ZFAND4: variants seen among roughly 807,000 people sequenced by gnomAD.
ZFAND4 encodes the protein AN1-type zinc finger protein 4.
ZFAND4 carries 43 observed loss-of-function variants against 64.4 expected under a neutral mutation model. The ratio of observed to expected loss-of-function variants is 0.67; its 90% confidence interval spans 0.52 to 0.86. The LOEUF (loss-of-function observed/expected upper bound fraction) is 0.86. Among genes scored for constraint, ZFAND4 ranks in the 40% least tolerant of loss-of-function variants. The pLI, the probability that ZFAND4 is intolerant of heterozygous loss-of-function variation, is 0.00. For missense variants in ZFAND4, 929 were observed against 859.8 expected, an observed-to-expected ratio of 1.08 and a Z score of -1.01; for synonymous variants, 296 against 305.7, an observed-to-expected ratio of 0.97 and a Z score of 0.33.
intron 6 of ZFAND4, among the ~76,000 whole-genome samples, chr10:45,631,266 G>A (rs541499568): frequency 6.1e-5 from 9 of 147,168 alleles, no homozygotes; most frequent in Non-Finnish European, 1.2e-4. Flanking sequence ...GCAGTGCGCC[G>A]AGATCATGCC....
chr10:45,652,050 C>T lies in ZFAND4; in HGVS notation c.261-17G>A, dbSNP rs1414455569. 2 of 1,612,544 alleles carry T rather than the reference C, an allele frequency of 1.2e-6. No individual in the cohort carries two copies. Among genetic ancestry groups the T allele is most frequent in the Non-Finnish European group, 8.5e-7 (1 of 1,179,036 alleles). On this transcript the variant is annotated splice_polypyrimidine_tract_variant and intron_variant, in intron 3 of 9. Transcript: ENST00000344646. ...TCTGAAATGCTGTGGATAGTTAACA[C>T]AAAAATAAATCATAATCATCAAAAT...
chr10:45,619,339 A>G (rs2045246633), intron 8 of ZFAND4, among the ~76,000 whole-genome samples: 1 of 152,002 alleles, frequency 6.6e-6, no homozygotes, highest in African/African-American at 2.4e-5. Context: ...CCACCACGCC[A>G]GGCCAAATCA....
intron 2 of ZFAND4, among the ~76,000 whole-genome samples, chr10:45,655,688 TA>T (rs2048048710): frequency 1.3e-5 from 2 of 152,148 alleles, no homozygotes; most frequent in African/African-American, 2.4e-5. Context: ...CATTACAACT[TA>T]CACCACAGAA....
At position 45,648,996 on chromosome 10, in the gene ZFAND4, C is replaced by T. The variant is rs539373043; in HGVS notation, c.329-462G>A. 11 of 984,396 alleles carry T rather than the reference C, an allele frequency of 1.1e-5. No individual in the cohort carries two copies. In the South Asian group the frequency reaches 4.7e-4, roughly 42 times the overall value. 61.0% of individuals were successfully genotyped at this position (984,396 alleles called of 1,614,324 possible). On this transcript the variant is annotated intron_variant, in intron 4 of 9. Coordinates refer to ENST00000344646, the MANE Select transcript of ZFAND4 (RefSeq NM_174890.4). The stretch of plus-strand genomic sequence containing the variant: ...AAAAGTACACAGACACGGCCGGGTG[C>T]GGTGGCTCATGCCTGTAATCCCAGC...
intron 6 of ZFAND4, among the ~76,000 whole-genome samples, chr10:45,636,323 T>C (rs2046591242): frequency 6.6e-6 from 1 of 152,200 alleles, no homozygotes; most frequent in South Asian, 2.1e-4. Flanking sequence ...TTTTGTATTA[T>C]TTGGAATCTT....
In ZFAND4 at chr10:45,670,764, T is replaced by C. The variant is rs374698261; in HGVS notation, c.-118+1486A>G. On this transcript the variant is annotated intron_variant, in intron 1 of 9. Coordinates refer to ENST00000344646, the MANE Select transcript of ZFAND4 (RefSeq NM_174890.4). ...AACCTAGGCAATACCATTCAGGACA[T>C]AGGCATGAGCACGGACTTCATGACT... Among the ~76,000 whole-genome samples, 161 of 152,342 alleles carry C rather than the reference T, an allele frequency of 1.1e-3. 1 individual carries two copies. The highest frequency in any genetic ancestry group is 3.7e-3 in the African/African-American group (153 of 41,584).
At chr10:45,645,682 C>G (rs1203570501) in intron 5 of ZFAND4, among the ~76,000 whole-genome samples, 1 of 152,122 alleles carries the variant, frequency 6.6e-6, no homozygotes, top group Non-Finnish European at 1.5e-5. Flanking sequence ...TAACAGCAAG[C>G]TGCAATCATT....
intron 2 of ZFAND4, 149 bp from the exon 3 acceptor site, chr10:45,653,208 A>C (rs899817899): frequency 8.3e-6 from 5 of 604,438 alleles, no homozygotes; most frequent in Non-Finnish European, 1.4e-5. Context: ...AATTTACAGA[A>C]TCATAGGTAG....
intron 5 of ZFAND4, among the ~76,000 whole-genome samples, chr10:45,646,986 T>C (rs999615089): frequency 2.0e-5 from 3 of 152,186 alleles, no homozygotes; most frequent in African/African-American, 7.2e-5. Context: ...CTAATCTTTC[T>C]TTCATGTAAC....
chr10:45,623,296 T>C (rs1320260152), intron 8 of ZFAND4, among the ~76,000 whole-genome samples: 2 of 152,334 alleles, frequency 1.3e-5, no homozygotes, highest in African/African-American at 2.4e-5. Context: ...GAAAGTAGTG[T>C]CTCAAAGACA....
rs1345805160 is a variant in ZFAND4, at chr10:45,616,345, T to C, written c.*91A>G. 1.3e-6 allele frequency: 2 copies of C among 1,513,574 alleles called. No individual in the cohort carries two copies. Among genetic ancestry groups the C allele is most frequent in the African/African-American group, 2.8e-5 (2 of 71,702 alleles). The allele number at this position is 1,513,574 out of a possible 1,614,324, so 93.8% of individuals were successfully genotyped here. A position where few individuals can be genotyped will look rare whatever the true frequency, so the allele number is the denominator to read the frequency against. On this transcript the variant is annotated 3_prime_UTR_variant, in exon 10 of 10. Coordinates refer to ENST00000344646, the MANE Select transcript of ZFAND4 (RefSeq NM_174890.4). ...ATGCTTTTGTTATTTGGCAAATCTT[T>C]TAGAGTCGAACAAAAATAATAGTCT...
intron 8 of ZFAND4, chr10:45,620,973 T>G (rs962843330): frequency 7.2e-5 from 11 of 152,222 alleles, no homozygotes; most frequent in East Asian, 3.9e-4. Context: ...ATGGTAAGAG[T>G]TGCTTTTCAC....
chr10:45,640,115 G>T (rs139963952), intron 5 of ZFAND4, 152 bp from the exon 6 acceptor site: 21 of 1,275,954 alleles, frequency 1.6e-5, no homozygotes, highest in Middle Eastern at 5.8e-4. Context: ...ATATTTCAAA[G>T]AATGTACTTC....
intron 2 of ZFAND4, 117 bp from the exon 3 acceptor site, chr10:45,653,176 TA>T (rs924668035): frequency 6.8e-6 from 5 of 739,234 alleles, no homozygotes; most frequent in Non-Finnish European, 1.1e-5. Context: ...AACATTCTTC[TA>T]AATTGAATGC....
At chr10:45,638,726 A>C (rs942697699) in intron 6 of ZFAND4, among the ~76,000 whole-genome samples, 2 of 152,226 alleles carry the variant, frequency 1.3e-5, no homozygotes, top group Non-Finnish European at 2.9e-5. Context: ...GAAAAGAAAG[A>C]AGCAAATTGA....
chr10:45,671,424 C>G (rs2049179443), intron 1 of ZFAND4, among the ~76,000 whole-genome samples: 1 of 152,162 alleles, frequency 6.6e-6, no homozygotes, highest in Non-Finnish European at 1.5e-5. Context: ...AGACTTGGAA[C>G]CAACCCAAAT....
chr10:45,624,772 T>C, intron 7 of ZFAND4, 135 bp from the exon 8 acceptor site: 1 of 702,574 alleles, frequency 1.4e-6, no homozygotes, highest in East Asian at 2.8e-5. Flanking sequence ...CCAATTTTTG[T>C]TTAATTAAAT....
At chr10:45,671,375 G>A (rs1364043288) in intron 1 of ZFAND4, among the ~76,000 whole-genome samples, 1 of 152,194 alleles carries the variant, frequency 6.6e-6, no homozygotes, top group Non-Finnish European at 1.5e-5. Context: ...AAAGACACAT[G>A]CACACGTATG....
In ZFAND4 at chr10:45,616,502, A is replaced by G. The variant is rs1060848; in HGVS notation, c.2118T>C (p.Ser706=). 55,743 of 1,614,078 alleles carry G rather than the reference A, an allele frequency of 0.035. 1,100 individuals carry two copies. The highest frequency in any genetic ancestry group is 0.081 in the East Asian group (3,640 of 44,866). Residue 706 remains serine, a synonymous_variant, in exon 10 of 10, where the codon AGT becomes AGC. Coordinates refer to ENST00000344646, the MANE Select transcript of ZFAND4 (RefSeq NM_174890.4). ...ETHGCTYDYK[S]AGRRYLHEAN... is the part of the protein sequence containing the mutation. Reference sequence around the variant, plus strand: ...CCTCGTGCAAGTATCTCCTCCCTGCACTCTTGTAATCATAGGTACAGCCAT... The same window carrying G: ...CCTCGTGCAAGTATCTCCTCCCTGCGCTCTTGTAATCATAGGTACAGCCAT...
Sources: gnomAD v4.1 joint callset for allele counts (sites outside exome capture counted in the v4.1 genomes callset) on GRCh38, gnomAD v4.1.1 for gene constraint, MANE v1.5 for transcripts, NCBI Gene and HGNC (gene_info 2026-07-23, HGNC 2026-07-21) for gene names.